Variants in TMEM132D observed in about 807,000 individuals in gnomAD.
TMEM132D encodes transmembrane protein 132D, also known as mature OL transmembrane protein.
In TMEM132D, 21 loss-of-function variants were observed where a neutral mutation model predicts 62.3. The ratio of observed to expected loss-of-function variants is 0.34; its 90% CI spans 0.24 to 0.49. The LOEUF (loss-of-function observed/expected upper bound fraction) is 0.49, where lower values mean the gene tolerates loss of function less well. Ranked by LOEUF, TMEM132D falls within the 20% of genes least tolerant of loss-of-function variation. TMEM132D has a pLI of 0.99. For missense variants in TMEM132D, 1,346 were observed against 1,402.8 expected, an observed-to-expected ratio of 0.96 and a Z score of 0.65; for synonymous variants, 621 against 575.6, an observed-to-expected ratio of 1.08 and a Z score of -1.13.
At chr12:129,286,027 A>G (rs1288513166) in intron 4 of TMEM132D, among the ~76,000 whole-genome samples, 1 of 152,240 alleles carries the variant, frequency 6.6e-6, no homozygotes, top group East Asian at 1.9e-4. Context: ...TCTTGCTAAC[A>G]AGAAAGATTT....
chr12:129,285,321 C>A (rs1881260932), intron 4 of TMEM132D, among the ~76,000 whole-genome samples: 6 of 150,636 alleles, frequency 4.0e-5, no homozygotes, highest in Admixed American at 4.0e-4. Flanking sequence ...GAATTCAAGA[C>A]CAGCCTGGCC....
chr12:129,752,701 G>A (rs1230304271), intron 1 of TMEM132D, among the ~76,000 whole-genome samples: 5 of 152,260 alleles, frequency 3.3e-5, no homozygotes, highest in Admixed American at 2.6e-4. Context: ...CTAAACTTGC[G>A]GGAAAGGACA....
intron 3 of TMEM132D, among the ~76,000 whole-genome samples, chr12:129,458,000 G>T (rs547957851): frequency 1.3e-5 from 2 of 152,130 alleles, no homozygotes; most frequent in Admixed American, 1.3e-4. Flanking sequence ...CTTCTCCATG[G>T]TTAGAGAAAC....
chr12:129,417,853 C>T (rs1182133699), intron 3 of TMEM132D, among the ~76,000 whole-genome samples: 3 of 152,136 alleles, frequency 2.0e-5, no homozygotes, highest in South Asian at 4.2e-4. Context: ...AACAAATTTA[C>T]AAGAAAAAAA....
At chr12:129,594,158 G>T (rs2137137387) in intron 2 of TMEM132D, among the ~76,000 whole-genome samples, 1 of 152,128 alleles carries the variant, frequency 6.6e-6, no homozygotes, top group East Asian at 1.9e-4. Context: ...ACAACCACGG[G>T]GCGCTTCCCA....
chr12:129,583,376 G>A (rs558300412), intron 2 of TMEM132D, among the ~76,000 whole-genome samples: 110 of 152,300 alleles, frequency 7.2e-4, no homozygotes, highest in African/African-American at 2.4e-3. Flanking sequence ...ACAACATGAA[G>A]GAAGTTTTAG....
At chr12:129,756,024 A>G (rs910380423) in intron 1 of TMEM132D, among the ~76,000 whole-genome samples, 1 of 152,206 alleles carries the variant, frequency 6.6e-6, no homozygotes, top group Non-Finnish European at 1.5e-5. Flanking sequence ...CACCAGGATA[A>G]TGAGGTGGAC....
chr12:129,672,219 T>C (rs750283499), intron 2 of TMEM132D, among the ~76,000 whole-genome samples: 6 of 152,204 alleles, frequency 3.9e-5, no homozygotes, highest in Non-Finnish European at 7.3e-5. Context: ...GTCAGGTACA[T>C]GTAGCCACGT....
At chr12:129,297,966 G>A (rs1566025372) in intron 4 of TMEM132D, among the ~76,000 whole-genome samples, 1 of 152,158 alleles carries the variant, frequency 6.6e-6, no homozygotes, top group Non-Finnish European at 1.5e-5. Flanking sequence ...GGAAGAACTG[G>A]TTATTTGACT....
chr12:129,094,258 G>A (rs1875026073), intron 5 of TMEM132D, among the ~76,000 whole-genome samples: 2 of 152,172 alleles, frequency 1.3e-5, no homozygotes, highest in Non-Finnish European at 2.9e-5. Flanking sequence ...TACAGAATGG[G>A]AGAAAGTTTT....
intron 2 of TMEM132D, among the ~76,000 whole-genome samples, chr12:129,542,300 A>T (rs1412414902): frequency 1.3e-5 from 2 of 152,188 alleles, no homozygotes; most frequent in African/African-American, 4.8e-5. Flanking sequence ...TACATTACAT[A>T]ATTGAACTGT....
chr12:129,168,469 T>C (rs1282543398), intron 5 of TMEM132D, among the ~76,000 whole-genome samples: 1 of 152,186 alleles, frequency 6.6e-6, no homozygotes, highest in Non-Finnish European at 1.5e-5. Context: ...TAATTTACTT[T>C]CCGCTCTATG....
At chr12:129,836,261 C>A (rs1314907177) in intron 1 of TMEM132D, among the ~76,000 whole-genome samples, 1 of 152,164 alleles carries the variant, frequency 6.6e-6, no homozygotes, top group Non-Finnish European at 1.5e-5. Flanking sequence ...TCTGCTCCAA[C>A]TACCATTTCA....
At chr12:129,137,341 C>G (rs1876613516) in intron 5 of TMEM132D, among the ~76,000 whole-genome samples, 3 of 152,292 alleles carry the variant, frequency 2.0e-5, no homozygotes, top group South Asian at 4.1e-4. Context: ...ATGCAAATTA[C>G]TTCATAGTCA....
intron 5 of TMEM132D, among the ~76,000 whole-genome samples, chr12:129,131,565 G>A (rs1254746360): frequency 6.6e-6 from 1 of 152,084 alleles, no homozygotes; most frequent in Non-Finnish European, 1.5e-5. Context: ...CAAGATCGTG[G>A]CCACTGCACT....
Position 129,789,429 on chromosome 12 carries a change from C to T in TMEM132D, c.80-88731G>A, listed in dbSNP as rs140889846. 4.6e-3 allele frequency among the ~76,000 whole-genome samples: 701 copies of T among 152,266 alleles called. 10 individuals are homozygous for T. The highest frequency in any genetic ancestry group is 0.016 in the African/African-American group (670 of 41,538). Reference sequence around the variant, plus strand: ...TGTGAAAAAGATACTTACACACGCACGTTTATAGCAGCACAATTTGCAATT... The same window carrying T: ...TGTGAAAAAGATACTTACACACGCATGTTTATAGCAGCACAATTTGCAATT... On this transcript the variant is annotated intron_variant, in intron 1 of 8. Transcript: ENST00000422113.
intron 4 of TMEM132D, among the ~76,000 whole-genome samples, chr12:129,321,806 G>A (rs755773693): frequency 2.6e-5 from 4 of 152,226 alleles, no homozygotes; most frequent in South Asian, 2.1e-4. Flanking sequence ...TGATCCACCC[G>A]CCTCGGCCTC....
rs1366967049 is a variant in TMEM132D at position 129,206,651 on chromosome 12, G to A, written c.1443+2869C>T. On this transcript the variant is annotated intron_variant, in intron 5 of 8. Transcript: ENST00000422113. ...CATTCTACCATAAAGATACATGCAC[G>A]CGAATGTTCATTGCTACACTATTCA... 9.2e-5 allele frequency among the ~76,000 whole-genome samples: 14 copies of A among 152,266 alleles called. No homozygotes were observed. In the South Asian group the frequency reaches 1.5e-3, roughly 16 times the overall value.
intron 7 of TMEM132D, among the ~76,000 whole-genome samples, chr12:129,081,210 G>A (rs1011279277): frequency 3.9e-5 from 6 of 152,214 alleles, no homozygotes; most frequent in Non-Finnish European, 5.9e-5. Flanking sequence ...TGTTTCAAGC[G>A]TGAGCCACCA....
Sources: gnomAD v4.1 joint callset for allele counts (sites outside exome capture counted in the v4.1 genomes callset) on GRCh38, gnomAD v4.1.1 for gene constraint, MANE v1.5 for transcripts, NCBI Gene and HGNC (gene_info 2026-07-23, HGNC 2026-07-21) for gene names.